Variants in TENM1 observed in about 807,000 individuals in gnomAD.
The protein encoded by TENM1 is teneurin-1.
In TENM1, 35 loss-of-function variants were observed where a neutral mutation model predicts 174.8. The ratio of observed to expected loss-of-function variants is 0.20; its 90% CI spans 0.15 to 0.27. The LOEUF is 0.27. Among genes scored for constraint, TENM1 ranks in the 10% least tolerant of loss-of-function variants. The pLI, the probability that TENM1 is intolerant of heterozygous loss-of-function variation, is 1.00. For synonymous variants in TENM1, 781 were observed against 798.7 expected (o/e 0.98, Z 0.37); for missense variants, 1,633 against 2,130.1 (o/e 0.77, Z 4.59).
At chrX:124,541,540 G>C (rs1161440305) in intron 15 of TENM1, among the ~76,000 whole-genome samples, 1 of 112,281 alleles carries the variant, frequency 8.9e-6, no homozygotes, top group Non-Finnish European at 1.9e-5. Context: ...GCAGATGCCA[G>C]CATCATGCTT....
At chrX:125,048,187 C>T in the TENM1 span, among the ~76,000 whole-genome samples, 40 of 110,067 alleles carry the variant, frequency 3.6e-4, no homozygotes, top group African/African-American at 1.3e-3. Flanking sequence ...AAATCTAAAC[C>T]TGTAATGGTT....
At chrX:124,554,519 G>A (rs1435127559) in intron 14 of TENM1, among the ~76,000 whole-genome samples, 1 of 111,948 alleles carries the variant, frequency 8.9e-6, no homozygotes, top group Admixed American at 9.4e-5. Context: ...AAATTAAAGG[G>A]GTATGGTGAG....
intron 3 of TENM1, among the ~76,000 whole-genome samples, chrX:124,807,744 T>C (rs1419678206): frequency 9.0e-6 from 1 of 111,438 alleles, no homozygotes; most frequent in African/African-American, 3.3e-5. Flanking sequence ...AGTTAAGTTG[T>C]GATAAGCTTA....
intron 1 of TENM1, among the ~76,000 whole-genome samples, chrX:124,899,367 A>AT (rs2057618188): frequency 9.0e-6 from 1 of 110,687 alleles, no homozygotes; most frequent in Non-Finnish European, 1.9e-5. Flanking sequence ...AATTTTTCAT[A>AT]TTTTTTATAG....
chrX:124,614,880 T>TCA (rs1371591783), intron 11 of TENM1, among the ~76,000 whole-genome samples: 41 of 111,557 alleles, frequency 3.7e-4, no homozygotes, highest in African/African-American at 1.2e-3. Context: ...AAGATCTGTC[T>TCA]CACACACACA....
chrX:124,713,117 T>G (rs754273490), intron 4 of TENM1, among the ~76,000 whole-genome samples: 5 of 111,960 alleles, frequency 4.5e-5, no homozygotes, highest in Non-Finnish European at 9.4e-5. Context: ...CCATGCTCCG[T>G]CCACATCGTT....
intron 22 of TENM1, among the ~76,000 whole-genome samples, chrX:124,454,566 G>C (rs2061083420): frequency 9.0e-6 from 1 of 110,895 alleles, no homozygotes; most frequent in East Asian, 2.8e-4. Context: ...AGCACGCCTG[G>C]CTAGTTTTTT....
intron 3 of TENM1, among the ~76,000 whole-genome samples, chrX:124,835,310 T>C (rs2056370204): frequency 8.9e-6 from 1 of 111,764 alleles, no homozygotes; most frequent in African/African-American, 3.3e-5. Context: ...CATGGGTAAA[T>C]ACAGTAATCT....
At chrX:124,453,240 G>T (rs1363885765) in intron 23 of TENM1, 97 bp downstream of exon 26, 4 of 862,101 alleles carry the variant, frequency 4.6e-6, no homozygotes, top group African/African-American at 2.0e-5. Context: ...TAACAGATAT[G>T]CCAGGCTTCC....
chrX:124,989,575 GA>G, the TENM1 span, among the ~76,000 whole-genome samples: 1 of 110,647 alleles, frequency 9.0e-6, no homozygotes, highest in African/African-American at 3.3e-5. Flanking sequence ...TCTTGACAAA[GA>G]ATAATATTGA....
chrX:125,178,718 G>A, the TENM1 span, among the ~76,000 whole-genome samples: 1 of 111,282 alleles, frequency 9.0e-6, no homozygotes. Context: ...AACATGTTTT[G>A]GATTCACTGA....
intron 1 of TENM1, among the ~76,000 whole-genome samples, chrX:124,902,480 A>G (rs2057679748): frequency 1.8e-5 from 2 of 112,440 alleles, no homozygotes; most frequent in Non-Finnish European, 3.8e-5. Flanking sequence ...ATAATGAATA[A>G]AATTCACACA....
the TENM1 span, among the ~76,000 whole-genome samples, chrX:125,160,544 C>CAAAAAAAAAA: frequency 1.7e-4 from 5 of 28,999 alleles, no homozygotes; most frequent in Non-Finnish European, 2.0e-4. Context: ...GACCCCGTCT[C>CAAAAAAAAAA]AAAAAAAAAA....
chrX:124,805,923 A>T (rs1192670631), intron 3 of TENM1, among the ~76,000 whole-genome samples: 1 of 112,686 alleles, frequency 8.9e-6, no homozygotes, highest in African/African-American at 3.2e-5. Flanking sequence ...AAGAACAATC[A>T]GAGAAACAAG....
the TENM1 span, among the ~76,000 whole-genome samples, chrX:125,030,188 G>A: frequency 8.9e-6 from 1 of 111,936 alleles, no homozygotes; most frequent in African/African-American, 3.2e-5. Flanking sequence ...TTCCTTCAAA[G>A]CACAGAATCG....
intron 1 of TENM1, among the ~76,000 whole-genome samples, chrX:124,907,922 A>C (rs746106306): frequency 8.9e-6 from 1 of 112,072 alleles, no homozygotes; most frequent in South Asian, 3.8e-4. Flanking sequence ...TTAGAAAGAA[A>C]GGCCATTCTC....
chrX:124,552,744 C>A (rs1258814976), intron 14 of TENM1, among the ~76,000 whole-genome samples: 1 of 111,579 alleles, frequency 9.0e-6, no homozygotes. Flanking sequence ...CCTTCCCACT[C>A]CTCTGGCTGT....
intron 3 of TENM1, among the ~76,000 whole-genome samples, chrX:124,754,266 T>C (rs2054166886): frequency 9.0e-6 from 1 of 111,695 alleles, no homozygotes; most frequent in African/African-American, 3.3e-5. Context: ...TTTTCTAGTT[T>C]ATTTGCGTAG....
At chrX:124,751,817 G>T (rs2054079896) in intron 3 of TENM1, among the ~76,000 whole-genome samples, 1 of 109,654 alleles carries the variant, frequency 9.1e-6, no homozygotes, top group Non-Finnish European at 1.9e-5. Flanking sequence ...CAAAGGACAT[G>T]AACTCATCAT....
Sources: gnomAD v4.1 joint callset for allele counts (sites outside exome capture counted in the v4.1 genomes callset) on GRCh38, gnomAD v4.1.1 for gene constraint, MANE v1.5 for transcripts, NCBI Gene and HGNC (gene_info 2026-07-23, HGNC 2026-07-21) for gene names.